Variants in PPM1L observed in about 807,000 individuals in gnomAD.
PPM1L encodes protein phosphatase, Mg2+/Mn2+ dependent 1L.
Under a neutral mutation model 31.4 loss-of-function variants are expected in PPM1L, and 13 were observed. That is an observed-to-expected ratio of 0.41 (90% CI 0.27 to 0.66). The LOEUF (loss-of-function observed/expected upper bound fraction) is 0.66. PPM1L is among the 30% of genes least tolerant of loss of function. PPM1L has a pLI of 0.29. For missense variants in PPM1L, 326 were observed against 453.7 expected (o/e 0.72, Z 2.56); for synonymous variants, 184 against 175.4 (o/e 1.05, Z -0.39).
At chr3:160,851,827 T>C (rs988396921) in intron 1 of PPM1L, among the ~76,000 whole-genome samples, 5 of 152,180 alleles carry the variant, frequency 3.3e-5, no homozygotes, top group Non-Finnish European at 7.3e-5. Context: ...TGTTACTCCG[T>C]AGTGACCCTT....
At chr3:160,879,994 A>T (rs984774073) in intron 1 of PPM1L, among the ~76,000 whole-genome samples, 1 of 152,084 alleles carries the variant, frequency 6.6e-6, no homozygotes, top group East Asian at 1.9e-4. Flanking sequence ...TCTGGCCCTC[A>T]TTTTATGACA....
chr3:160,775,257 T>C (rs980353886), intron 1 of PPM1L, among the ~76,000 whole-genome samples: 2 of 152,224 alleles, frequency 1.3e-5, no homozygotes, highest in Non-Finnish European at 2.9e-5. Context: ...AGCTATCCTG[T>C]TCCAGTCCCA....
chr3:160,922,635 C>T (rs920925760), intron 1 of PPM1L, among the ~76,000 whole-genome samples: 1 of 152,150 alleles, frequency 6.6e-6, no homozygotes, highest in South Asian at 2.1e-4. Flanking sequence ...CTAACAGATA[C>T]TTACAATGAG....
intron 1 of PPM1L, among the ~76,000 whole-genome samples, chr3:160,769,990 A>C (rs1185591525): frequency 6.6e-6 from 1 of 152,102 alleles, no homozygotes; most frequent in Non-Finnish European, 1.5e-5. Context: ...TATGAGGATG[A>C]AGTACTTATC....
intron 2 of PPM1L, among the ~76,000 whole-genome samples, chr3:161,058,056 G>T (rs758455928): frequency 7.6e-5 from 11 of 144,576 alleles, no homozygotes; most frequent in Admixed American, 3.5e-4. Flanking sequence ...GAGAGGTTAA[G>T]TATATAATAA....
chr3:160,834,254 A>C (rs1449493865), intron 1 of PPM1L, among the ~76,000 whole-genome samples: 1 of 151,782 alleles, frequency 6.6e-6, no homozygotes, highest in Non-Finnish European at 1.5e-5. Context: ...CGATCTCCTG[A>C]CCTCGTGATC....
intron 2 of PPM1L, among the ~76,000 whole-genome samples, chr3:161,024,656 C>G (rs187953286): frequency 6.6e-6 from 1 of 151,608 alleles, no homozygotes; most frequent in East Asian, 1.9e-4. Flanking sequence ...TGAGATCACG[C>G]CATTACACTC....
intron 1 of PPM1L, among the ~76,000 whole-genome samples, chr3:160,864,232 G>A (rs569133433): frequency 1.3e-5 from 2 of 152,210 alleles, no homozygotes; most frequent in Admixed American, 6.5e-5. Context: ...ACCCAGGTTG[G>A]ATTGCAGTGG....
rs544517699 is a variant in PPM1L, at chr3:161,034,303, A to G, written c.575-31100A>G. Among the ~76,000 whole-genome samples, 154 of 152,316 alleles carry G rather than the reference A, an allele frequency of 1.0e-3. 1 individual carries two copies. Among genetic ancestry groups the G allele is most frequent in the African/African-American group, 3.4e-3 (143 of 41,568 alleles). ...GTGTGGCGATTCCTCAAGGATCTAG[A>G]ACCAGAATTACCATTTGACCCAGCA... is the stretch of plus-strand genomic sequence containing the variant. On this transcript the variant is annotated intron_variant, in intron 2 of 3. Coordinates refer to ENST00000498165, the MANE Select transcript of PPM1L (RefSeq NM_139245.4).
intron 1 of PPM1L, among the ~76,000 whole-genome samples, chr3:160,841,913 G>C (rs1004331542): frequency 6.6e-6 from 1 of 152,042 alleles, no homozygotes; most frequent in Non-Finnish European, 1.5e-5. Context: ...CCTTGCATGA[G>C]TGCTTTAAAA....
chr3:160,979,043 C>T (rs1337564799), intron 2 of PPM1L, among the ~76,000 whole-genome samples: 1 of 151,790 alleles, frequency 6.6e-6, no homozygotes, highest in African/African-American at 2.4e-5. Context: ...TTGCATATAG[C>T]AGAAGATGAA....
chr3:160,976,639 T>C (rs1213786150), intron 2 of PPM1L, among the ~76,000 whole-genome samples: 2 of 152,194 alleles, frequency 1.3e-5, no homozygotes, highest in African/African-American at 4.8e-5. Flanking sequence ...CCATTTCTTC[T>C]AGATTTTCTA....
intron 2 of PPM1L, among the ~76,000 whole-genome samples, chr3:161,056,306 A>T (rs1352727392): frequency 6.6e-6 from 1 of 152,132 alleles, no homozygotes; most frequent in African/African-American, 2.4e-5. Flanking sequence ...ACTATCAAAA[A>T]GGCTGCTGTC....
intron 1 of PPM1L, among the ~76,000 whole-genome samples, chr3:160,908,936 C>T (rs1315005771): frequency 6.6e-6 from 1 of 152,032 alleles, no homozygotes; most frequent in Admixed American, 6.6e-5. Context: ...AATAAAAATA[C>T]AAATATGAAG....
intron 1 of PPM1L, among the ~76,000 whole-genome samples, chr3:160,898,286 A>G (rs937373976): frequency 6.6e-6 from 1 of 152,212 alleles, no homozygotes; most frequent in Admixed American, 6.5e-5. Context: ...AAAAACCAAA[A>G]TAATAGCTTA....
chr3:160,938,713 G>A (rs187813470), intron 1 of PPM1L, among the ~76,000 whole-genome samples: 101 of 152,282 alleles, frequency 6.6e-4, no homozygotes, highest in African/African-American at 2.4e-3. Context: ...TGTTTTACAG[G>A]TAAGGGGACT....
chr3:161,022,651 C>T (rs1316242594), intron 2 of PPM1L, among the ~76,000 whole-genome samples: 2 of 138,868 alleles, frequency 1.4e-5, no homozygotes, highest in African/African-American at 5.4e-5. Context: ...TACTTAATTT[C>T]TCCTTCTTTT....
chr3:161,028,890 G>A (rs1718481051), intron 2 of PPM1L, among the ~76,000 whole-genome samples: 1 of 152,164 alleles, frequency 6.6e-6, no homozygotes, highest in Non-Finnish European at 1.5e-5. Flanking sequence ...TGTAATAGCA[G>A]TAATCTTGAT....
intron 1 of PPM1L, among the ~76,000 whole-genome samples, chr3:160,819,699 G>A (rs1713135336): frequency 6.6e-6 from 1 of 151,908 alleles, no homozygotes; most frequent in African/African-American, 2.4e-5. Flanking sequence ...GTAACATACT[G>A]TATATTTTAT....
Sources: allele counts gnomAD v4.1 joint callset (sites outside exome capture counted in the v4.1 genomes callset), GRCh38; gene constraint gnomAD v4.1.1; transcripts MANE v1.5; gene names NCBI Gene and HGNC (gene_info 2026-07-23, HGNC 2026-07-21).